Variants in PYGO1 observed in about 807,000 individuals in gnomAD.
PYGO1 encodes pygopus homolog 1.
A neutral mutation model predicts 29.5 loss-of-function variants in PYGO1; 6 were observed. That is an observed-to-expected ratio of 0.20 (90% confidence interval 0.11 to 0.40). PYGO1 has a LOEUF of 0.40. PYGO1 is among the 10% of genes least tolerant of loss of function. The pLI is 1.00. For synonymous variants in PYGO1, 186 were observed against 180.5 expected (o/e 1.03, Z -0.24); for missense variants, 515 against 514.9 (o/e 1.00, Z 0.00).
chr15:55,563,091 C>G (rs2058940208), intron 1 of PYGO1, among the ~76,000 whole-genome samples: 1 of 151,974 alleles, frequency 6.6e-6, no homozygotes, highest in Admixed American at 6.6e-5. Context: ...ATAAATTGCA[C>G]TTCATCAAAA....
At chr15:55,588,514 C>T (rs947443039), upstream of PYGO1, among the ~76,000 whole-genome samples, 4 of 147,348 alleles carry the variant, frequency 2.7e-5, no homozygotes, top group Non-Finnish European at 6.0e-5. Flanking sequence ...ACCGCCGCCG[C>T]CTCGCGCTCC....
In PYGO1 at chr15:55,540,133, T is replaced by C. The variant is rs1251415020; in HGVS notation, c.*5890A>G. On this transcript the variant is annotated 3_prime_UTR_variant, in exon 3 of 3. Coordinates refer to ENST00000563719, the MANE Select transcript of PYGO1 (RefSeq NM_001367806.1). Reference sequence around the variant, plus strand: ...AAAGCTTAAAAATTTGCCTTCAAGATGAAACATTTTTCTTTAAAATCGTGA... The same window carrying C: ...AAAGCTTAAAAATTTGCCTTCAAGACGAAACATTTTTCTTTAAAATCGTGA... The C allele has an allele frequency of 6.6e-6, 1 of 152,084 alleles. No individual in the cohort carries two copies. The highest frequency in any genetic ancestry group is 1.5e-5 in the Non-Finnish European group (1 of 67,912). The allele number at this position is 152,084 out of a possible 1,614,324, so 9.4% of individuals were successfully genotyped here.
intron 1 of PYGO1, among the ~76,000 whole-genome samples, chr15:55,562,583 A>G (rs2058937508): frequency 6.6e-6 from 1 of 152,164 alleles, no homozygotes; most frequent in African/African-American, 2.4e-5. Context: ...AGGCGGAAGA[A>G]TCACTTGAAC....
At position 55,540,018 on chromosome 15, in the gene PYGO1, T is replaced by C. The variant is rs1223386685; in HGVS notation, c.*6005A>G. 6.6e-6 allele frequency: 1 copy of C among 152,138 alleles called. No individual in the cohort carries two copies. The highest frequency in any genetic ancestry group is 2.4e-5 in the African/African-American group (1 of 41,466). The allele number at this position is 152,138 out of a possible 1,614,324, so 9.4% of individuals were successfully genotyped here. On this transcript the variant is annotated 3_prime_UTR_variant, in exon 3 of 3. Transcript: ENST00000563719. ...TGTACAAATTTGCATTGGCCAAGTA[T>C]TACTTATTACAATTCTTTTGGGTAC... is the stretch of plus-strand genomic sequence containing the variant.
At chr15:55,583,632 T>G (rs1398433488) in intron 1 of PYGO1, among the ~76,000 whole-genome samples, 1 of 152,122 alleles carries the variant, frequency 6.6e-6, no homozygotes, top group African/African-American at 2.4e-5. Flanking sequence ...TCCTCCTACC[T>G]CAGCCTCCTG....
rs990398947 is a variant in PYGO1, at chr15:55,588,029, G to A, written c.-146C>T. On this transcript the variant is annotated 5_prime_UTR_variant, in exon 1 of 3. Transcript: ENST00000563719. ...GCACGGCCGAGGGCGGTGGGGACGC[G>A]GGCCGACTTTGCAAAGTTTGGGAGG... The A allele has an allele frequency of 6.1e-5, 76 of 1,249,504 alleles. No homozygotes were observed. In the African/African-American group the frequency reaches 8.6e-4, roughly 14 times the overall value. The allele number at this position is 1,249,504 out of a possible 1,614,324, so 77.4% of individuals were successfully genotyped here.
At chr15:55,552,811 G>A (rs971727384) in intron 1 of PYGO1, among the ~76,000 whole-genome samples, 2 of 152,150 alleles carry the variant, frequency 1.3e-5, no homozygotes, top group Non-Finnish European at 2.9e-5. Flanking sequence ...TCCCTGCAAA[G>A]ATGAAAAAGA....
At chr15:55,561,565 T>A (rs1327353342) in intron 1 of PYGO1, among the ~76,000 whole-genome samples, 2 of 152,136 alleles carry the variant, frequency 1.3e-5, no homozygotes, top group Non-Finnish European at 2.9e-5. Context: ...AAGAATAGCA[T>A]GGGGGAAACC....
chr15:55,565,130 T>C (rs990947809), intron 1 of PYGO1, among the ~76,000 whole-genome samples: 1 of 152,106 alleles, frequency 6.6e-6, no homozygotes, highest in Non-Finnish European at 1.5e-5. Flanking sequence ...GCCCAGTTAA[T>C]CTCCCTATCT....
At chr15:55,588,595 T>C (rs1424003934), upstream of PYGO1, among the ~76,000 whole-genome samples, 8 of 148,702 alleles carry the variant, frequency 5.4e-5, no homozygotes, top group Non-Finnish European at 3.0e-5. Context: ...CCGCGGCTCT[T>C]GCAGCCCGGG....
chr15:55,547,491 T>C (rs1256219811), intron 2 of PYGO1, among the ~76,000 whole-genome samples: 3 of 152,168 alleles, frequency 2.0e-5, no homozygotes, highest in Admixed American at 1.3e-4. Context: ...TCTAGAAACT[T>C]TCACTTAAAT....
At chr15:55,565,435 G>C (rs534821250) in intron 1 of PYGO1, among the ~76,000 whole-genome samples, 1 of 152,146 alleles carries the variant, frequency 6.6e-6, no homozygotes, top group East Asian at 1.9e-4. Flanking sequence ...CAAGCGCGGT[G>C]GCTCATGCCT....
Position 55,546,377 on chromosome 15 carries a change from C to T in PYGO1, c.906G>A (p.Gly302=). 6.2e-7 allele frequency: 1 copy of T among 1,614,162 alleles called. No homozygotes were observed. The highest frequency in any genetic ancestry group is 8.5e-7 in the Non-Finnish European group (1 of 1,180,018). Residue 302 remains glycine, a synonymous_variant, in exon 3 of 3, where the codon GGG becomes GGA. Coordinates refer to ENST00000563719, the MANE Select transcript of PYGO1 (RefSeq NM_001367806.1). ...TEATNNNPAN[G]TQNKPRQPRG... The stretch of plus-strand genomic sequence containing the variant: ...TTGGTTGTCGTGGCTTATTCTGCGT[C>T]CCATTTGCAGGGTTATTGTTTGTGG...
At chr15:55,564,125 T>G (rs2058944938) in intron 1 of PYGO1, among the ~76,000 whole-genome samples, 1 of 152,210 alleles carries the variant, frequency 6.6e-6, no homozygotes, top group East Asian at 1.9e-4. Flanking sequence ...GTACAACGTT[T>G]TTAGCAGTAT....
At chr15:55,580,366 T>C (rs1425527296) in intron 1 of PYGO1, among the ~76,000 whole-genome samples, 1 of 152,224 alleles carries the variant, frequency 6.6e-6, no homozygotes, top group Non-Finnish European at 1.5e-5. Flanking sequence ...AAGAATCTGC[T>C]GTAGGTTATG....
chr15:55,579,914 T>G (rs772889942), intron 1 of PYGO1, among the ~76,000 whole-genome samples: 1 of 152,200 alleles, frequency 6.6e-6, no homozygotes, highest in Non-Finnish European at 1.5e-5. Flanking sequence ...TTTTGAACAT[T>G]GAGTTTTATG....
At chr15:55,558,356 CAAAT>C (rs1370355619) in intron 1 of PYGO1, among the ~76,000 whole-genome samples, 1 of 151,804 alleles carries the variant, frequency 6.6e-6, no homozygotes, top group African/African-American at 2.4e-5. Context: ...AGGATACAAA[CAAAT>C]GGAAGAACAT....
intron 1 of PYGO1, among the ~76,000 whole-genome samples, chr15:55,560,085 T>G (rs2058926397): frequency 6.6e-6 from 1 of 152,092 alleles, no homozygotes; most frequent in African/African-American, 2.4e-5. Flanking sequence ...TCATACTGAA[T>G]GGGCAAAAGC....
chr15:55,555,536 G>A (rs1042769470), intron 1 of PYGO1, among the ~76,000 whole-genome samples: 4 of 97,192 alleles, frequency 4.1e-5, no homozygotes, highest in Non-Finnish European at 5.6e-5. Flanking sequence ...GGTGGGGGGA[G>A]GGGGGAGGGA....
Sources: allele counts gnomAD v4.1 joint callset (sites outside exome capture counted in the v4.1 genomes callset), GRCh38; gene constraint gnomAD v4.1.1; transcripts MANE v1.5; gene names NCBI Gene and HGNC (gene_info 2026-07-23, HGNC 2026-07-21).